AKR1C8: variants seen among roughly 807,000 people sequenced by gnomAD.
AKR1C8 encodes the protein aldo-keto reductase family 1 member C-like protein 1.
chr10:5,119,234 G>A, the AKR1C8 span, among the ~76,000 whole-genome samples: 2 of 152,188 alleles, frequency 1.3e-5, no homozygotes, highest in Non-Finnish European at 2.9e-5. Context: ...GGCACAGTAA[G>A]CAAGAACTAA....
the AKR1C8 span, chr10:5,161,793 A>ATGT: frequency 3.7e-6 from 2 of 534,664 alleles, no homozygotes; most frequent in Non-Finnish European, 7.7e-6. Flanking sequence ...GAATTAGATA[A>ATGT]TTCAGATGCT....
chr10:5,160,208 A>ATACTCAT, the AKR1C8 span, among the ~76,000 whole-genome samples: 1 of 152,154 alleles, frequency 6.6e-6, no homozygotes, highest in Non-Finnish European at 1.5e-5. Flanking sequence ...TATTACAAGC[A>ATACTCAT]TACTCATAAC....
the AKR1C8 span, among the ~76,000 whole-genome samples, chr10:5,141,571 T>C: frequency 6.6e-6 from 1 of 152,164 alleles, no homozygotes; most frequent in Non-Finnish European, 1.5e-5. Flanking sequence ...ACAATAAGAC[T>C]TGAAAGTTAA....
chr10:5,173,145 G>GT, the AKR1C8 span, among the ~76,000 whole-genome samples: 68 of 152,146 alleles, frequency 4.5e-4, no homozygotes, highest in African/African-American at 1.6e-3. Context: ...TTATTTTAGG[G>GT]TTTTTTATGC....
chr10:5,150,107 A>T, the AKR1C8 span, among the ~76,000 whole-genome samples: 1 of 151,800 alleles, frequency 6.6e-6, no homozygotes, highest in Non-Finnish European at 1.5e-5. Context: ...TTATGAACAT[A>T]TTAGCTCTTC....
At chr10:5,156,395 G>A in the AKR1C8 span, among the ~76,000 whole-genome samples, 1 of 152,058 alleles carries the variant, frequency 6.6e-6, no homozygotes, top group African/African-American at 2.4e-5. Flanking sequence ...CTTAAGTCAA[G>A]AGTAGTTTTC....
the AKR1C8 span, among the ~76,000 whole-genome samples, chr10:5,136,699 C>A: frequency 2.0e-5 from 3 of 152,048 alleles, no homozygotes; most frequent in African/African-American, 7.2e-5. Context: ...GGACAATTTG[C>A]AGAATGGGTT....
chr10:5,123,567 A>C, the AKR1C8 span: 2 of 726,646 alleles, frequency 2.8e-6, no homozygotes, highest in Admixed American at 3.0e-5. Context: ...TAACAGCAGC[A>C]GCATCACCTG....
chr10:5,170,318 T>C, the AKR1C8 span, among the ~76,000 whole-genome samples: 1 of 151,966 alleles, frequency 6.6e-6, no homozygotes, highest in African/African-American at 2.4e-5. Flanking sequence ...AGGTGTGCTA[T>C]AGTTTTTGAA....
the AKR1C8 span, among the ~76,000 whole-genome samples, chr10:5,124,780 A>G: frequency 2.6e-5 from 4 of 152,166 alleles, no homozygotes; most frequent in Non-Finnish European, 5.9e-5. Context: ...CATCTCTATG[A>G]AGATTAGATC....
the AKR1C8 span, chr10:5,135,147 G>A: frequency 4.5e-6 from 1 of 222,588 alleles, no homozygotes; most frequent in Non-Finnish European, 1.0e-5. Context: ...TGTTACCTCT[G>A]GAGGTACACA....
At chr10:5,162,049 C>A in the AKR1C8 span, 4 of 472,866 alleles carry the variant, frequency 8.5e-6, no homozygotes, top group Non-Finnish European at 1.7e-5. Context: ...CATGGTCAGA[C>A]ATTGAGATAT....
At chr10:5,119,095 C>T in the AKR1C8 span, among the ~76,000 whole-genome samples, 1 of 152,206 alleles carries the variant, frequency 6.6e-6, no homozygotes, top group African/African-American at 2.4e-5. Context: ...TCATAATCTA[C>T]ATCCTCTACC....
At chr10:5,147,058 G>T in the AKR1C8 span, among the ~76,000 whole-genome samples, 1 of 152,302 alleles carries the variant, frequency 6.6e-6, no homozygotes, top group East Asian at 1.9e-4. Context: ...TATCTGGTAG[G>T]CCTCTGGTGA....
the AKR1C8 span, among the ~76,000 whole-genome samples, chr10:5,124,872 G>A: frequency 3.1e-4 from 47 of 152,080 alleles, no homozygotes; most frequent in East Asian, 5.8e-4. Context: ...TGCCTACTGC[G>A]GTGTAATTTC....
the AKR1C8 span, among the ~76,000 whole-genome samples, chr10:5,158,303 T>C: frequency 2.6e-5 from 4 of 152,220 alleles, no homozygotes; most frequent in Non-Finnish European, 5.9e-5. Flanking sequence ...ACAGAGTATG[T>C]CCATTTGCCA....
At chr10:5,137,997 A>T in the AKR1C8 span, among the ~76,000 whole-genome samples, 1 of 152,078 alleles carries the variant, frequency 6.6e-6, no homozygotes, top group African/African-American at 2.4e-5. Flanking sequence ...GGGCAAAAGC[A>T]GAACTACTGA....
the AKR1C8 span, among the ~76,000 whole-genome samples, chr10:5,130,773 G>C: frequency 6.6e-6 from 1 of 151,652 alleles, no homozygotes; most frequent in Non-Finnish European, 1.5e-5. Context: ...TAAAAGAAAT[G>C]ATACATAAGA....
At chr10:5,174,332 T>G in the AKR1C8 span, among the ~76,000 whole-genome samples, 3 of 151,874 alleles carry the variant, frequency 2.0e-5, no homozygotes, top group African/African-American at 7.2e-5. Context: ...ACCAAAGATT[T>G]TTGAAGGAAA....
Sources: gnomAD v4.1 joint callset for allele counts (sites outside exome capture counted in the v4.1 genomes callset) on GRCh38, gnomAD v4.1.1 for gene constraint, MANE v1.5 for transcripts, NCBI Gene and HGNC (gene_info 2026-07-23, HGNC 2026-07-21) for gene names.